GABRG3: variants seen among roughly 807,000 people sequenced by gnomAD.
GABRG3 encodes the protein gamma-aminobutyric acid receptor subunit gamma-3.
In GABRG3, 25 loss-of-function variants were observed where a neutral mutation model predicts 48.8. The ratio of observed to expected loss-of-function variants is 0.51; its 90% CI spans 0.37 to 0.72. The LOEUF (loss-of-function observed/expected upper bound fraction) is 0.72, where lower values mean the gene tolerates loss of function less well. Among genes scored for constraint, GABRG3 ranks in the 30% least tolerant of loss-of-function variants. GABRG3 has a pLI of 0.00. For synonymous variants in GABRG3, 227 were observed against 217.6 expected (o/e 1.04, Z -0.38); for missense variants, 394 against 577.9 (o/e 0.68, Z 3.26).
intron 3 of GABRG3, among the ~76,000 whole-genome samples, chr15:27,161,674 C>A (rs1024384860): frequency 6.6e-5 from 10 of 151,904 alleles, no homozygotes; most frequent in Non-Finnish European, 1.0e-4. Flanking sequence ...TATTAGCATT[C>A]ACATTTTGGT....
intron 6 of GABRG3, among the ~76,000 whole-genome samples, chr15:27,509,096 A>T (rs953145406): frequency 6.6e-6 from 1 of 152,118 alleles, no homozygotes; most frequent in African/African-American, 2.4e-5. Context: ...ACTGAGTTTC[A>T]CTGTGGGTTT....
intron 5 of GABRG3, among the ~76,000 whole-genome samples, chr15:27,382,625 C>T (rs975113739): frequency 4.6e-5 from 7 of 152,056 alleles, no homozygotes; most frequent in East Asian, 1.9e-4. Flanking sequence ...GGGAGGAGAA[C>T]GAGAGTACAT....
At chr15:27,063,384 G>T (rs1344971925) in intron 3 of GABRG3, among the ~76,000 whole-genome samples, 1 of 152,206 alleles carries the variant, frequency 6.6e-6, no homozygotes, top group African/African-American at 2.4e-5. Flanking sequence ...TCTGAGGTGG[G>T]GCCTGGTGGG....
At chr15:27,375,079 T>C (rs1046151573) in intron 5 of GABRG3, among the ~76,000 whole-genome samples, 1 of 152,092 alleles carries the variant, frequency 6.6e-6, no homozygotes, top group Non-Finnish European at 1.5e-5. Flanking sequence ...GGGAATTCAA[T>C]GGGCCTGAAG....
At chr15:27,514,550 G>C (rs895049425) in intron 6 of GABRG3, among the ~76,000 whole-genome samples, 62 of 152,110 alleles carry the variant, frequency 4.1e-4, no homozygotes, top group African/African-American at 1.5e-3. Context: ...TGATTAACTT[G>C]AAATCAACAG....
intron 5 of GABRG3, among the ~76,000 whole-genome samples, chr15:27,415,601 A>T (rs1053203742): frequency 2.0e-5 from 3 of 152,130 alleles, no homozygotes; most frequent in Non-Finnish European, 4.4e-5. Context: ...AGAAATGCCC[A>T]CTAAACAACT....
chr15:27,122,754 G>A (rs1421746043), intron 3 of GABRG3, among the ~76,000 whole-genome samples: 1 of 152,186 alleles, frequency 6.6e-6, no homozygotes, highest in Non-Finnish European at 1.5e-5. Context: ...TACGACTTTA[G>A]CTACTGCCTC....
intron 3 of GABRG3, among the ~76,000 whole-genome samples, chr15:27,303,002 A>T (rs974828859): frequency 3.3e-5 from 5 of 152,022 alleles, no homozygotes; most frequent in Non-Finnish European, 5.9e-5. Flanking sequence ...AATTTATAGT[A>T]TTAAGTGCTT....
At chr15:27,437,813 T>G (rs1201050459) in intron 5 of GABRG3, among the ~76,000 whole-genome samples, 2 of 152,194 alleles carry the variant, frequency 1.3e-5, no homozygotes, top group African/African-American at 4.8e-5. Context: ...AGCATCTGCC[T>G]CTGCTGAGGG....
chr15:27,337,493 C>T (rs1221624827), intron 5 of GABRG3, among the ~76,000 whole-genome samples: 1 of 152,168 alleles, frequency 6.6e-6, no homozygotes, highest in Non-Finnish European at 1.5e-5. Context: ...TGTTTTATGA[C>T]ATCACACTTC....
At chr15:27,141,428 TGCGAGA>T (rs1434753438) in intron 3 of GABRG3, among the ~76,000 whole-genome samples, 1 of 152,216 alleles carries the variant, frequency 6.6e-6, no homozygotes, top group East Asian at 1.9e-4. Flanking sequence ...CTCTGGTTCC[TGCGAGA>T]TTTTATTCAC....
intron 5 of GABRG3, among the ~76,000 whole-genome samples, chr15:27,405,690 A>T (rs892131239): frequency 6.6e-6 from 1 of 151,962 alleles, no homozygotes; most frequent in Admixed American, 6.5e-5. Flanking sequence ...ATAATGGTTG[A>T]TTTTTTTCTG....
At chr15:27,312,818 A>G (rs1893040678) in intron 3 of GABRG3, among the ~76,000 whole-genome samples, 1 of 152,120 alleles carries the variant, frequency 6.6e-6, no homozygotes, top group Non-Finnish European at 1.5e-5. Flanking sequence ...CAACATTATA[A>G]CATAAGAAAA....
At chr15:27,509,077 A>G (rs1890834822) in intron 6 of GABRG3, among the ~76,000 whole-genome samples, 1 of 152,132 alleles carries the variant, frequency 6.6e-6, no homozygotes, top group South Asian at 2.1e-4. Context: ...ACTTTTGGAA[A>G]GTGTTTTTAC....
At chr15:27,360,307 G>A (rs1894978670) in intron 5 of GABRG3, among the ~76,000 whole-genome samples, 1 of 152,146 alleles carries the variant, frequency 6.6e-6, no homozygotes, top group South Asian at 2.1e-4. Context: ...TGGACAGAAG[G>A]GAGGACTTGA....
intron 2 of GABRG3, among the ~76,000 whole-genome samples, chr15:27,005,821 A>T (rs966919581): frequency 4.6e-5 from 7 of 152,216 alleles, no homozygotes; most frequent in African/African-American, 1.7e-4. Flanking sequence ...CCTTGGTGGT[A>T]GAGTTTGTGG....
intron 7 of GABRG3, among the ~76,000 whole-genome samples, chr15:27,523,446 A>G (rs1345190127): frequency 6.6e-6 from 1 of 151,772 alleles, no homozygotes; most frequent in South Asian, 2.1e-4. Flanking sequence ...AAGATTTTCT[A>G]TATAATATTT....
chr15:27,461,208 G>T (rs765174996), intron 5 of GABRG3, among the ~76,000 whole-genome samples: 1 of 152,180 alleles, frequency 6.6e-6, no homozygotes, highest in Non-Finnish European at 1.5e-5. Context: ...TCTCCCATAG[G>T]ATGCAGAATT....
intron 3 of GABRG3, among the ~76,000 whole-genome samples, chr15:27,187,074 A>G (rs1888120764): frequency 3.8e-5 from 1 of 26,644 alleles, no homozygotes; most frequent in Non-Finnish European, 6.2e-5. Context: ...TAAGTCTTTA[A>G]TCCATCTTGA....
Sources: gnomAD v4.1 joint callset for allele counts (sites outside exome capture counted in the v4.1 genomes callset) on GRCh38, gnomAD v4.1.1 for gene constraint, MANE v1.5 for transcripts, NCBI Gene and HGNC (gene_info 2026-07-23, HGNC 2026-07-21) for gene names.